XPR1: variants seen among roughly 807,000 people sequenced by gnomAD.
XPR1 encodes solute carrier family 53 member 1.
A neutral mutation model predicts 87.5 loss-of-function variants in XPR1; 28 were observed. The observed-to-expected ratio is 0.32, with a 90% CI of 0.24 to 0.44. The LOEUF is 0.44. Ranked by LOEUF, XPR1 falls within the 20% of genes least tolerant of loss-of-function variation. The pLI, the probability that XPR1 is intolerant of heterozygous loss-of-function variation, is 1.00. For missense variants in XPR1, 559 were observed against 862.3 expected, an observed-to-expected ratio of 0.65 and a Z score of 4.41; for synonymous variants, 300 against 306.1, an observed-to-expected ratio of 0.98 and a Z score of 0.21.
intron 2 of XPR1, among the ~76,000 whole-genome samples, chr1:180,733,294 C>T (rs1158999635): frequency 6.6e-6 from 1 of 152,158 alleles, no homozygotes; most frequent in Non-Finnish European, 1.5e-5. Flanking sequence ...GAACCATGCC[C>T]TCCTCTACCC....
chr1:180,776,033 T>G (rs1648703596), intron 2 of XPR1, among the ~76,000 whole-genome samples: 1 of 152,174 alleles, frequency 6.6e-6, no homozygotes, highest in South Asian at 2.1e-4. Context: ...TTGTTGCCAT[T>G]TTGGATCCCA....
At chr1:180,813,886 C>T (rs938791246) in intron 7 of XPR1, among the ~76,000 whole-genome samples, 5 of 152,136 alleles carry the variant, frequency 3.3e-5, no homozygotes, top group Non-Finnish European at 7.4e-5. Context: ...ACTTTTGCAT[C>T]AACCTGTATG....
chr1:180,866,797 A>AT (rs539839824), intron 12 of XPR1, among the ~76,000 whole-genome samples: 9,444 of 136,326 alleles, frequency 0.069, 405 homozygotes, highest in African/African-American at 0.12. Flanking sequence ...ATATTAGTTT[A>AT]TTTTTTTTTT....
intron 7 of XPR1, 86 bp from the exon 8 acceptor site, chr1:180,824,667 A>G (rs1650763630): frequency 1.9e-5 from 22 of 1,175,344 alleles, no homozygotes; most frequent in East Asian, 2.3e-5. Flanking sequence ...TGCCAGGGCT[A>G]TATCATTGAG....
intron 6 of XPR1, among the ~76,000 whole-genome samples, chr1:180,809,207 A>G (rs1418397787): frequency 2.0e-5 from 3 of 152,162 alleles, no homozygotes; most frequent in African/African-American, 7.2e-5. Flanking sequence ...AAAAAATGCA[A>G]ACTAATAAAT....
chr1:180,685,856 T>C (rs1218307801), intron 2 of XPR1, among the ~76,000 whole-genome samples: 2 of 152,034 alleles, frequency 1.3e-5, no homozygotes, highest in African/African-American at 2.4e-5. Flanking sequence ...TTTTTTATTG[T>C]GTCTATTTGA....
At chr1:180,695,688 TG>T (rs1657141991) in intron 2 of XPR1, among the ~76,000 whole-genome samples, 1 of 152,116 alleles carries the variant, frequency 6.6e-6, no homozygotes, top group Non-Finnish European at 1.5e-5. Context: ...TTGAAGAGGT[TG>T]TTCTTTCTCC....
intron 11 of XPR1, among the ~76,000 whole-genome samples, chr1:180,838,778 G>A (rs953776149): frequency 6.6e-6 from 1 of 152,056 alleles, no homozygotes; most frequent in African/African-American, 2.4e-5. Flanking sequence ...GAACTATAAT[G>A]TATCTTTATT....
At position 180,884,079 on chromosome 1, in the gene XPR1, C is replaced by A; in HGVS notation, c.*13C>A. 1 of 1,613,224 alleles carries A rather than the reference C, an allele frequency of 6.2e-7. No individual in the cohort carries two copies. Among genetic ancestry groups the A allele is most frequent in the South Asian group, 1.1e-5 (1 of 90,980 alleles). The stretch of plus-strand genomic sequence containing the variant: ...AGCTAACACTTGAATTTTCTGAAGT[C>A]TAGCTTAACATCTTTGGTTTTCCTA... On this transcript the variant is annotated 3_prime_UTR_variant, in exon 15 of 15. Transcript: ENST00000367590.
At chr1:180,833,006 C>A (rs184169883) in intron 9 of XPR1, among the ~76,000 whole-genome samples, 34 of 152,186 alleles carry the variant, frequency 2.2e-4, no homozygotes, top group African/African-American at 7.5e-4. Context: ...TGAGTGTTTT[C>A]CCATTTGTTT....
chr1:180,851,867 A>G (rs1651877661), intron 11 of XPR1, among the ~76,000 whole-genome samples: 1 of 152,094 alleles, frequency 6.6e-6, no homozygotes, highest in Non-Finnish European at 1.5e-5. Flanking sequence ...CCAGTAAATA[A>G]GGATCTATAT....
chr1:180,726,425 C>T (rs1031393027), intron 2 of XPR1, among the ~76,000 whole-genome samples: 9 of 152,202 alleles, frequency 5.9e-5, no homozygotes, highest in African/African-American at 2.2e-4. Flanking sequence ...CTGTAACACT[C>T]ACTTCGAAGG....
intron 9 of XPR1, among the ~76,000 whole-genome samples, chr1:180,828,002 CA>C (rs1380957643): frequency 6.6e-6 from 1 of 151,842 alleles, no homozygotes; most frequent in Non-Finnish European, 1.5e-5. Flanking sequence ...TCAACCTCTC[CA>C]GTAGTTAGGA....
At chr1:180,808,219 T>C (rs987535057) in intron 6 of XPR1, among the ~76,000 whole-genome samples, 2 of 149,570 alleles carry the variant, frequency 1.3e-5, no homozygotes, top group African/African-American at 2.5e-5. Flanking sequence ...GATAAAGATA[T>C]AAAGCAGATT....
intron 2 of XPR1, among the ~76,000 whole-genome samples, chr1:180,704,368 A>C (rs1261852614): frequency 6.7e-6 from 1 of 149,232 alleles, no homozygotes; most frequent in African/African-American, 2.5e-5. Context: ...TGATATCCTA[A>C]TGCTCCTGTG....
intron 2 of XPR1, among the ~76,000 whole-genome samples, chr1:180,717,876 G>T (rs1337888686): frequency 6.6e-6 from 1 of 151,950 alleles, no homozygotes; most frequent in Non-Finnish European, 1.5e-5. Context: ...AAGTAATTGT[G>T]TTTTTTGTCA....
Position 180,782,154 on chromosome 1 carries a change from C to T in XPR1, c.122-5599C>T, listed in dbSNP as rs528904525. Among the ~76,000 whole-genome samples the T allele has an allele frequency of 1.1e-3, 159 of 150,384 alleles. 1 individual carries two copies. Among genetic ancestry groups the T allele is most frequent in the Admixed American group, 3.9e-3 (59 of 15,046 alleles). On this transcript the variant is annotated intron_variant, in intron 2 of 14. Transcript: ENST00000367590. ...TCTTTACCTGTTTTTTATTTTTTTT[C>T]TCTCGTTTGACTTCCTTTTTTCTGT... is the stretch of plus-strand genomic sequence containing the variant.
At position 180,863,799 on chromosome 1, in the gene XPR1, G is replaced by A. The variant is rs1188898910; in HGVS notation, c.1593G>A (p.Lys531=). 3.7e-6 allele frequency: 6 copies of A among 1,612,170 alleles called. No homozygotes were observed. The highest frequency in any genetic ancestry group is 4.2e-6 in the Non-Finnish European group (5 of 1,179,218). The change falls in exon 12 of 15, where the codon AAG becomes AAA. Residue 531 remains lysine (K), a synonymous_variant. Coordinates refer to ENST00000367590, the MANE Select transcript of XPR1 (RefSeq NM_004736.4). ...GCTATACCCTCATCTGGGATCTCAA[G>A]ATGGACTGGGGTCTCTTCGATAAGA... The part of the protein sequence containing the change: ...SSCYTLIWDL[K]MDWGLFDKNA...
chr1:180,886,065 A>C lies in XPR1; in HGVS notation c.*1999A>C, dbSNP rs144509229. ...TTGTTAAGCATGTCCCTTGGCCCAA[A>C]TGGAAGAGGAAATGTTTAATTAATG... On this transcript the variant is annotated 3_prime_UTR_variant, in exon 15 of 15. Transcript: ENST00000367590. The C allele has an allele frequency of 6.6e-6, 1 of 152,168 alleles. No homozygotes were observed. Among genetic ancestry groups the C allele is most frequent in the Non-Finnish European group, 1.5e-5 (1 of 68,028 alleles). The allele number at this position is 152,168 out of a possible 1,614,324, so 9.4% of individuals were successfully genotyped here.
Sources: gnomAD v4.1 joint callset for allele counts (sites outside exome capture counted in the v4.1 genomes callset) on GRCh38, gnomAD v4.1.1 for gene constraint, MANE v1.5 for transcripts, NCBI Gene and HGNC (gene_info 2026-07-23, HGNC 2026-07-21) for gene names.